The following SPIDR variants were observed in gnomAD, a reference collection of about 807,000 sequenced individuals.
The protein encoded by SPIDR is DNA repair-scaffolding protein.
In SPIDR, 93 loss-of-function variants were observed where a neutral mutation model predicts 104.6. The observed-to-expected ratio is 0.89, with a 90% CI of 0.75 to 1.06. The LOEUF (loss-of-function observed/expected upper bound fraction) is 1.06, where lower values mean the gene tolerates loss of function less well. Ranked by LOEUF, SPIDR falls within the 50% of genes least tolerant of loss-of-function variation. The probability of loss-of-function intolerance (pLI) is 0.00; values close to 1 mark genes in which losing one functional copy is unlikely to be tolerated. For synonymous variants in SPIDR, 431 were observed against 416.9 expected (o/e 1.03, Z -0.41); for missense variants, 1,154 against 1,111.2 (o/e 1.04, Z -0.55).
chr8:47,480,202 G>C (rs2076744878), intron 8 of SPIDR, among the ~76,000 whole-genome samples: 6 of 152,194 alleles, frequency 3.9e-5, no homozygotes, highest in Admixed American at 3.9e-4. Context: ...TGAAGATTTA[G>C]AGGTGAATAT....
At chr8:47,521,440 C>CTT (rs751917193) in intron 8 of SPIDR, among the ~76,000 whole-genome samples, 9 of 137,560 alleles carry the variant, frequency 6.5e-5, no homozygotes, top group African/African-American at 1.1e-4. Flanking sequence ...ATTTTTTTTT[C>CTT]TTTTTTTTTT....
chr8:47,620,486 T>A (rs2064988185), intron 10 of SPIDR, among the ~76,000 whole-genome samples: 1 of 152,096 alleles, frequency 6.6e-6, no homozygotes, highest in African/African-American at 2.4e-5. Flanking sequence ...CAGGCTGGTC[T>A]CGAACTCCTG....
At chr8:47,479,380 G>GGAAA (rs1360113746) in intron 8 of SPIDR, among the ~76,000 whole-genome samples, 1 of 151,636 alleles carries the variant, frequency 6.6e-6, no homozygotes, top group Non-Finnish European at 1.5e-5. Context: ...AAGAAAGAAA[G>GGAAA]GAAAGAAAAG....
chr8:47,334,756 A>G (rs889520245), intron 5 of SPIDR, among the ~76,000 whole-genome samples: 3 of 152,120 alleles, frequency 2.0e-5, no homozygotes, highest in Non-Finnish European at 4.4e-5. Context: ...TAAAATCATC[A>G]TTGGTATAAT....
intron 7 of SPIDR, among the ~76,000 whole-genome samples, chr8:47,431,663 T>C (rs564612029): frequency 9.3e-4 from 141 of 152,262 alleles, no homozygotes; most frequent in African/African-American, 3.3e-3. Flanking sequence ...CTTGTCTACT[T>C]TTTTGTTTTT....
At chr8:47,446,801 G>C (rs2070720086) in intron 8 of SPIDR, among the ~76,000 whole-genome samples, 1 of 152,056 alleles carries the variant, frequency 6.6e-6, no homozygotes, top group Non-Finnish European at 1.5e-5. Context: ...TGGTCAGGCT[G>C]GTCTGGAACT....
chr8:47,334,383 G>A (rs1376413852), intron 5 of SPIDR, among the ~76,000 whole-genome samples: 1 of 152,194 alleles, frequency 6.6e-6, no homozygotes, highest in Admixed American at 6.5e-5. Context: ...CTCGGATTAT[G>A]ATAGTGGACT....
At chr8:47,681,455 A>G (rs960742743) in intron 11 of SPIDR, among the ~76,000 whole-genome samples, 8 of 152,286 alleles carry the variant, frequency 5.3e-5, no homozygotes, top group Admixed American at 5.2e-4. Flanking sequence ...ACATTTTAGG[A>G]AGATGAAGTC....
chr8:47,732,132 TC>T, intron 19 of SPIDR: 1 of 702,576 alleles, frequency 1.4e-6, no homozygotes, highest in Non-Finnish European at 2.6e-6. Flanking sequence ...TCTTTAGAGA[TC>T]CAGAGACCAG....
chr8:47,469,309 C>T (rs950864873), intron 8 of SPIDR, among the ~76,000 whole-genome samples: 1 of 152,056 alleles, frequency 6.6e-6, no homozygotes, highest in Non-Finnish European at 1.5e-5. Flanking sequence ...AACAGCATTG[C>T]CATTCCTCAA....
At chr8:47,403,637 A>G (rs978653343) in intron 6 of SPIDR, among the ~76,000 whole-genome samples, 3 of 152,174 alleles carry the variant, frequency 2.0e-5, no homozygotes, top group Non-Finnish European at 4.4e-5. Context: ...TAGGAATCCA[A>G]CTTACAAGGG....
intron 2 of SPIDR, 73 bp downstream of exon 2, chr8:47,280,090 C>T: frequency 6.9e-7 from 1 of 1,446,508 alleles, no homozygotes; most frequent in Non-Finnish European, 9.5e-7. Flanking sequence ...ATTGTAATTA[C>T]ATTTCATTGT....
At chr8:47,409,211 C>G (rs149515359) in intron 7 of SPIDR, among the ~76,000 whole-genome samples, 419 of 151,886 alleles carry the variant, frequency 2.8e-3, no homozygotes, top group African/African-American at 9.9e-3. Context: ...GAATGAAATA[C>G]TTAGGAATAA....
At chr8:47,566,718 T>G (rs1410175985) in intron 8 of SPIDR, among the ~76,000 whole-genome samples, 2 of 152,200 alleles carry the variant, frequency 1.3e-5, no homozygotes, top group Admixed American at 1.3e-4. Flanking sequence ...CAGTAGTTAC[T>G]GATCACCTGC....
chr8:47,356,711 A>G (rs1239718108), intron 5 of SPIDR, among the ~76,000 whole-genome samples: 1 of 150,026 alleles, frequency 6.7e-6, no homozygotes, highest in Non-Finnish European at 1.5e-5. Flanking sequence ...TTGCACAGAC[A>G]GCACATTTGC....
chr8:47,624,932 C>A (rs1315915069), intron 10 of SPIDR, among the ~76,000 whole-genome samples: 1 of 151,882 alleles, frequency 6.6e-6, no homozygotes, highest in Non-Finnish European at 1.5e-5. Context: ...GAGACACAAC[C>A]AAAAAAGAGA....
At chr8:47,620,735 A>G (rs962394560) in intron 10 of SPIDR, among the ~76,000 whole-genome samples, 7 of 151,026 alleles carry the variant, frequency 4.6e-5, no homozygotes, top group African/African-American at 1.7e-4. Flanking sequence ...TCCCTGCCTC[A>G]GCCTCCCGTG....
At chr8:47,331,471 A>G (rs370029604) in intron 5 of SPIDR, among the ~76,000 whole-genome samples, 1 of 152,186 alleles carries the variant, frequency 6.6e-6, no homozygotes, top group East Asian at 1.9e-4. Context: ...GTAGTTATTT[A>G]TGTATCTAAG....
At chr8:47,358,494 T>G (rs2055026491) in intron 5 of SPIDR, among the ~76,000 whole-genome samples, 1 of 152,210 alleles carries the variant, frequency 6.6e-6, no homozygotes, top group African/African-American at 2.4e-5. Flanking sequence ...TACTCACTTC[T>G]GAGTTTGGCC....
Sources: gnomAD v4.1 joint callset for allele counts (sites outside exome capture counted in the v4.1 genomes callset) on GRCh38, gnomAD v4.1.1 for gene constraint, MANE v1.5 for transcripts, NCBI Gene and HGNC (gene_info 2026-07-23, HGNC 2026-07-21) for gene names.